GPATCH8: variants seen among roughly 807,000 people sequenced by gnomAD.
The protein encoded by GPATCH8 is G patch domain-containing protein 8.
Under a neutral mutation model 118.3 loss-of-function variants are expected in GPATCH8, and 18 were observed. The observed-to-expected ratio is 0.15, with a 90% confidence interval of 0.11 to 0.23. GPATCH8 has a LOEUF of 0.23. GPATCH8 is among the 10% of genes least tolerant of loss of function. The pLI is 1.00. For synonymous variants in GPATCH8, 659 were observed against 684.7 expected (o/e 0.96, Z 0.59); for missense variants, 1,631 against 1,873.8 (o/e 0.87, Z 2.39).
At position 44,412,591 on chromosome 17, in the gene GPATCH8, C is replaced by T. The variant is rs534075305; in HGVS notation, c.493-6540G>A. 3.3e-5 allele frequency among the ~76,000 whole-genome samples: 5 copies of T among 151,750 alleles called. No homozygotes were observed. The South Asian group carries it at 1.0e-3, about 32-fold the overall frequency. ...TAGAGACAGGGTTTCACCATGTTGG[C>T]CAGGCTGGTCTTGAACTCCTGACCT... On this transcript the variant is annotated intron_variant, in intron 6 of 7. Transcript: ENST00000591680.
rs573287618 is a variant in GPATCH8 at position 44,475,481 on chromosome 17, G to T, written c.46-578C>A. ...TGGGAGGCCGAGGCAGGTGGATCACGAGGCCAGGAGATTTAGACCATCCTG... is the reference window on the plus strand; with the variant it reads ...TGGGAGGCCGAGGCAGGTGGATCACTAGGCCAGGAGATTTAGACCATCCTG... On this transcript the variant is annotated intron_variant, in intron 1 of 7. Transcript: ENST00000591680. 2.0e-5 allele frequency among the ~76,000 whole-genome samples: 3 copies of T among 148,056 alleles called. No individual in the cohort carries two copies. In the East Asian group the frequency reaches 6.1e-4, roughly 30 times the overall value.
chr17:44,445,491 TATTTC>T (rs2050842569), intron 3 of GPATCH8, among the ~76,000 whole-genome samples: 1 of 150,220 alleles, frequency 6.7e-6, no homozygotes, highest in Non-Finnish European at 1.5e-5. Flanking sequence ...TCTATGTGAG[TATTTC>T]TTTTTCTTTT....
chr17:44,406,501 G>GT (rs1251339180), intron 6 of GPATCH8, among the ~76,000 whole-genome samples: 1 of 126,526 alleles, frequency 7.9e-6, no homozygotes, highest in African/African-American at 3.0e-5. Flanking sequence ...TTACATGGGG[G>GT]GGGGGGGTTA....
chr17:44,483,884 C>G (rs1968561736), intron 1 of GPATCH8, among the ~76,000 whole-genome samples: 1 of 151,892 alleles, frequency 6.6e-6, no homozygotes, highest in South Asian at 2.1e-4. Flanking sequence ...TTCTGTTGCC[C>G]AGGCTGGAGC....
chr17:44,501,186 G>A (rs900632953), intron 1 of GPATCH8, among the ~76,000 whole-genome samples: 6 of 152,074 alleles, frequency 3.9e-5, no homozygotes, highest in African/African-American at 1.4e-4. Context: ...TTGGGAGGCC[G>A]AGGCAGGCGG....
rs766211335 is a variant in GPATCH8, at chr17:44,414,147, A to G, written c.493-8096T>C. Reference sequence around the variant, plus strand: ...TATATGTGTATATATATATATGTGTATATATATATGTGTATATATATATAT... The same window carrying G: ...TATATGTGTATATATATATATGTGTGTATATATATGTGTATATATATATAT... On this transcript the variant is annotated intron_variant, in intron 6 of 7. Transcript: ENST00000591680. 2.8e-3 allele frequency among the ~76,000 whole-genome samples: 67 copies of G among 23,770 alleles called. 1 individual carries two copies. Among genetic ancestry groups the G allele is most frequent in the Admixed American group, 1.8e-3 (4 of 2,252 alleles). 15.6% of individuals were successfully genotyped at this position (23,770 alleles called of 152,430 possible). A position where few individuals can be genotyped will look rare whatever the true frequency, so the allele number is the denominator to read the frequency against.
At chr17:44,470,095 C>T (rs934132055) in intron 2 of GPATCH8, among the ~76,000 whole-genome samples, 2 of 152,316 alleles carry the variant, frequency 1.3e-5, no homozygotes, top group African/African-American at 4.8e-5. Context: ...GAGCAAGGAC[C>T]GACTAGCGGC....
chr17:44,465,988 C>T (rs986978385), intron 2 of GPATCH8: 2 of 152,024 alleles, frequency 1.3e-5, no homozygotes, highest in Admixed American at 1.3e-4. Context: ...CTGGGCTAAA[C>T]AGCTAATTAT....
intron 3 of GPATCH8, chr17:44,438,756 G>C (rs1414852091): frequency 2.0e-5 from 3 of 152,546 alleles, no homozygotes; most frequent in African/African-American, 7.2e-5. Flanking sequence ...GAAACCATTA[G>C]GGTAGGAAAC....
At chr17:44,492,926 A>G (rs1363444858) in intron 1 of GPATCH8, among the ~76,000 whole-genome samples, 1 of 152,102 alleles carries the variant, frequency 6.6e-6, no homozygotes, top group Non-Finnish European at 1.5e-5. Flanking sequence ...GGTACTCACT[A>G]ATGTTTGGAA....
In GPATCH8 at chr17:44,400,432, G is replaced by A; in HGVS notation, c.1645C>T (p.Leu549Phe). 6.2e-7 allele frequency: 1 copy of A among 1,614,010 alleles called. No homozygotes were observed. Among genetic ancestry groups the A allele is most frequent in the Non-Finnish European group, 8.5e-7 (1 of 1,179,860 alleles). Residue 549 changes from leucine (L) to phenylalanine (F), a missense_variant, in exon 8 of 8, where the codon CTC (leucine) becomes TTC (phenylalanine). Coordinates refer to ENST00000591680, the MANE Select transcript of GPATCH8 (RefSeq NM_001002909.4). ...PVLSKDESTA[L>F]QWPSELLIFT... ...ATTAATAGTTCTGATGGCCACTGGA[G>A]GGCAGTGCTTTCATCTTTGCTCAAA... is the stretch of plus-strand genomic sequence containing the variant.
chr17:44,470,103 G>A (rs1031425667), intron 2 of GPATCH8, among the ~76,000 whole-genome samples: 3 of 152,208 alleles, frequency 2.0e-5, no homozygotes, highest in East Asian at 1.9e-4. Flanking sequence ...ACCGACTAGC[G>A]GCTGATGGGT....
At chr17:44,462,913 G>A (rs1325537444) in intron 3 of GPATCH8, among the ~76,000 whole-genome samples, 1 of 151,992 alleles carries the variant, frequency 6.6e-6, no homozygotes, top group Non-Finnish European at 1.5e-5. Context: ...CCCGGGAGGT[G>A]GAGCTGGCAA....
intron 3 of GPATCH8, among the ~76,000 whole-genome samples, chr17:44,451,088 A>G (rs570672263): frequency 1.3e-5 from 2 of 152,186 alleles, no homozygotes; most frequent in East Asian, 3.9e-4. Flanking sequence ...ATTCACTCTT[A>G]AAGACTTAGT....
At chr17:44,494,873 C>T (rs986675636) in intron 1 of GPATCH8, among the ~76,000 whole-genome samples, 31 of 152,332 alleles carry the variant, frequency 2.0e-4, no homozygotes, top group African/African-American at 6.0e-4. Context: ...CTAGTCTTCA[C>T]TTTTTCCCTA....
intron 6 of GPATCH8, among the ~76,000 whole-genome samples, chr17:44,411,996 C>T (rs2049453950): frequency 6.6e-6 from 1 of 152,182 alleles, no homozygotes; most frequent in African/African-American, 2.4e-5. Flanking sequence ...AATCTCAGCT[C>T]ACCGCAACCT....
intron 3 of GPATCH8, among the ~76,000 whole-genome samples, chr17:44,444,571 G>A (rs569529560): frequency 2.6e-5 from 4 of 152,284 alleles, no homozygotes; most frequent in East Asian, 1.9e-4. Flanking sequence ...TCAGGAGGTC[G>A]AGATCAGCCT....
intron 3 of GPATCH8, among the ~76,000 whole-genome samples, chr17:44,453,491 GTAGGTA>G (rs1169146677): frequency 2.9e-4 from 37 of 126,926 alleles, no homozygotes; most frequent in African/African-American, 9.6e-4. Flanking sequence ...AGGTAGGTAG[GTAGGTA>G]GGGGTGTGTG....
At chr17:44,436,737 C>A in intron 3 of GPATCH8, 192 bp from the exon 4 acceptor site, 3 of 570,950 alleles carry the variant, frequency 5.3e-6, no homozygotes, top group Non-Finnish European at 9.3e-6. Flanking sequence ...CAATTAACCA[C>A]CTTGGCTGAC....
Sources: gnomAD v4.1 joint callset for allele counts (sites outside exome capture counted in the v4.1 genomes callset) on GRCh38, gnomAD v4.1.1 for gene constraint, MANE v1.5 for transcripts, NCBI Gene and HGNC (gene_info 2026-07-23, HGNC 2026-07-21) for gene names.